The following IDE variants were observed in gnomAD, a reference collection of about 807,000 sequenced individuals.
IDE encodes the protein insulin degrading enzyme.
Under a neutral mutation model 133.2 loss-of-function variants are expected in IDE, and 58 were observed. The observed-to-expected ratio is 0.44, with a 90% CI of 0.35 to 0.54. The LOEUF is 0.54. Among genes scored for constraint, IDE ranks in the 20% least tolerant of loss-of-function variants. The pLI, the probability that IDE is intolerant of heterozygous loss-of-function variation, is 0.00. For synonymous variants in IDE, 396 were observed against 421.3 expected (o/e 0.94, Z 0.73); for missense variants, 981 against 1,234.0 (o/e 0.79, Z 3.07).
At chr10:92,487,167 A>T in intron 13 of IDE, 29 bp downstream of exon 13, 1 of 1,597,854 alleles carries the variant, frequency 6.3e-7, no homozygotes, top group Non-Finnish European at 8.5e-7. Flanking sequence ...TGTCCCCCAA[A>T]TTTAAAATCA....
At chr10:92,536,399 A>AG (rs1842006519) in intron 2 of IDE, among the ~76,000 whole-genome samples, 1 of 148,474 alleles carries the variant, frequency 6.7e-6, no homozygotes, top group South Asian at 2.1e-4. Context: ...AAAAAAAAAA[A>AG]AAGAAATGTG....
At chr10:92,470,659 C>T (rs532001005) in intron 17 of IDE, among the ~76,000 whole-genome samples, 1 of 152,224 alleles carries the variant, frequency 6.6e-6, no homozygotes, top group South Asian at 2.1e-4. Flanking sequence ...TAATCTCTGA[C>T]AGTTTCTCAG....
At chr10:92,458,152 C>A (rs1233817316) in intron 22 of IDE, among the ~76,000 whole-genome samples, 1 of 152,172 alleles carries the variant, frequency 6.6e-6, no homozygotes, top group Admixed American at 6.5e-5. Flanking sequence ...AACAACTGCA[C>A]CTTCTTGCAA....
At chr10:92,512,957 G>A (rs768485371) in intron 5 of IDE, among the ~76,000 whole-genome samples, 7 of 152,086 alleles carry the variant, frequency 4.6e-5, no homozygotes, top group African/African-American at 7.2e-5. Flanking sequence ...CAGGTACAAT[G>A]TACCACCCAC....
In IDE at chr10:92,536,767, C is replaced by T. The variant is rs147584138; in HGVS notation, c.283+599G>A. ...ATGAAATATGGTATTAGGCCAGGCA[C>T]GGTGGCTCACGCCTGTAATCCCAGC... On this transcript the variant is annotated intron_variant, in intron 2 of 24. Coordinates refer to ENST00000265986, the MANE Select transcript of IDE (RefSeq NM_004969.4). Among the ~76,000 whole-genome samples the T allele has an allele frequency of 3.3e-3, 504 of 151,148 alleles. 3 individuals are homozygous for T. Among genetic ancestry groups the T allele is most frequent in the African/African-American group, 0.011 (472 of 41,174 alleles).
In IDE at chr10:92,454,555, T is replaced by G; in HGVS notation, c.2965-16A>C. 6.2e-7 allele frequency: 1 copy of G among 1,602,638 alleles called. No individual in the cohort carries two copies. Among genetic ancestry groups the G allele is most frequent in the Non-Finnish European group, 8.5e-7 (1 of 1,169,932 alleles). ...TCACTTCAGGCTGCAAAGAAAAAAG[T>G]TTCCTTTTAGTGTATTTAACCTAAA... On this transcript the variant is annotated splice_polypyrimidine_tract_variant and intron_variant, in intron 24 of 24. Transcript: ENST00000265986.
chr10:92,521,690 AAATAAT>A (rs754219580), intron 4 of IDE, among the ~76,000 whole-genome samples: 1 of 151,418 alleles, frequency 6.6e-6, no homozygotes, highest in Non-Finnish European at 1.5e-5. Context: ...ACAAAAATTA[AAATAAT>A]AATAATAATA....
At chr10:92,512,437 A>C (rs577031821) in intron 5 of IDE, among the ~76,000 whole-genome samples, 1 of 152,190 alleles carries the variant, frequency 6.6e-6, no homozygotes, top group South Asian at 2.1e-4. Context: ...TTATTCTGTC[A>C]TTTCCACTAA....
At chr10:92,542,837 G>C (rs1280918864) in intron 1 of IDE, among the ~76,000 whole-genome samples, 2 of 152,194 alleles carry the variant, frequency 1.3e-5, no homozygotes, top group African/African-American at 4.8e-5. Flanking sequence ...ACTAAGACAT[G>C]TAAAGGCCTA....
chr10:92,479,628 TGC>T, intron 14 of IDE: 19 of 394,090 alleles, frequency 4.8e-5, no homozygotes, highest in East Asian at 1.5e-4. Context: ...TGTGTGTGTG[TGC>T]ATGCGTGCGT....
intron 12 of IDE, among the ~76,000 whole-genome samples, chr10:92,489,463 G>A (rs1847217147): frequency 1.3e-5 from 2 of 152,152 alleles, no homozygotes; most frequent in Non-Finnish European, 2.9e-5. Context: ...GCTAGGTGGA[G>A]GTTGCAGTGA....
intron 15 of IDE, among the ~76,000 whole-genome samples, chr10:92,478,117 C>T (rs1846381155): frequency 1.3e-5 from 2 of 152,148 alleles, no homozygotes; most frequent in South Asian, 4.1e-4. Context: ...CTTGGAAACA[C>T]ATTCCAAAGA....
chr10:92,532,135 AC>A (rs1849962313), intron 3 of IDE, among the ~76,000 whole-genome samples: 1 of 152,088 alleles, frequency 6.6e-6, no homozygotes, highest in Non-Finnish European at 1.5e-5. Flanking sequence ...GAGTTGATCT[AC>A]CCCAGAGATG....
chr10:92,520,077 C>A (rs1013995300), intron 4 of IDE, among the ~76,000 whole-genome samples: 1 of 152,074 alleles, frequency 6.6e-6, no homozygotes, highest in African/African-American at 2.4e-5. Context: ...TGCACTCCAG[C>A]CTGGGTGACA....
In IDE at chr10:92,454,221, T is replaced by A. The variant is rs1844871240; in HGVS notation, c.*223A>T. On this transcript the variant is annotated 3_prime_UTR_variant, in exon 25 of 25. Transcript: ENST00000265986. ...TTTCTCTCAGTAATCAAAAGAAAAA[T>A]TTTAAAATATTTAAGAGGCATGTAT... 1 of 357,904 alleles carries A rather than the reference T, an allele frequency of 2.8e-6. No individual in the cohort carries two copies. Among genetic ancestry groups the A allele is most frequent in the Admixed American group, 4.1e-5 (1 of 24,254 alleles). 22.2% of individuals were successfully genotyped at this position (357,904 alleles called of 1,614,324 possible). A position where few individuals can be genotyped will look rare whatever the true frequency, so the allele number is the denominator to read the frequency against.
intron 1 of IDE, 96 bp downstream of exon 1, chr10:92,573,826 T>C (rs1055987025): frequency 6.0e-6 from 5 of 837,456 alleles, no homozygotes; most frequent in Non-Finnish European, 8.6e-6. Context: ...GGGGCAGCGG[T>C]GGCGGCTTTA....
At chr10:92,478,396 G>A (rs1251349798) in intron 15 of IDE, among the ~76,000 whole-genome samples, 1 of 152,112 alleles carries the variant, frequency 6.6e-6, no homozygotes, top group Non-Finnish European at 1.5e-5. Context: ...GGATTAATAT[G>A]TTAAACATCT....
At chr10:92,530,846 T>C (rs918733166) in intron 4 of IDE, among the ~76,000 whole-genome samples, 2 of 152,214 alleles carry the variant, frequency 1.3e-5, no homozygotes, top group African/African-American at 4.8e-5. Flanking sequence ...GTTGGATACA[T>C]TAGGATGATA....
chr10:92,545,330 A>G (rs1407981746), intron 1 of IDE, among the ~76,000 whole-genome samples: 2 of 152,244 alleles, frequency 1.3e-5, no homozygotes, highest in Non-Finnish European at 2.9e-5. Flanking sequence ...TTCTCAAGCA[A>G]TATGATTATG....
Sources: allele counts gnomAD v4.1 joint callset (sites outside exome capture counted in the v4.1 genomes callset), GRCh38; gene constraint gnomAD v4.1.1; transcripts MANE v1.5; gene names NCBI Gene and HGNC (gene_info 2026-07-23, HGNC 2026-07-21).